ADGRG4: variants seen among roughly 807,000 people sequenced by gnomAD.
The protein encoded by ADGRG4 is adhesion G protein-coupled receptor G4, also known as G protein-coupled receptor 112.
In ADGRG4, 122 loss-of-function variants were observed where a neutral mutation model predicts 126.2. That is an observed-to-expected ratio of 0.97 (90% CI 0.83 to 1.12). ADGRG4 has a LOEUF of 1.12. Among genes scored for constraint, ADGRG4 ranks in the 50% most tolerant of loss-of-function variants. ADGRG4 has a pLI of 0.00. For synonymous variants in ADGRG4, 943 were observed against 838.7 expected, an observed-to-expected ratio of 1.12 and a Z score of -2.15; for missense variants, 2,481 against 2,251.8, an observed-to-expected ratio of 1.10 and a Z score of -2.06.
intron 5 of ADGRG4, among the ~76,000 whole-genome samples, chrX:136,341,922 T>C (rs762218677): frequency 1.8e-5 from 2 of 112,122 alleles, no homozygotes; most frequent in East Asian, 2.8e-4. Flanking sequence ...ATAGGTAATA[T>C]GCTTCTCAGA....
chrX:136,412,868 C>T (rs1418617730), intron 24 of ADGRG4, among the ~76,000 whole-genome samples: 2 of 111,826 alleles, frequency 1.8e-5, no homozygotes, highest in Non-Finnish European at 3.8e-5. Flanking sequence ...AGCACTGGTG[C>T]TTCCCTTGAG....
intron 12 of ADGRG4, among the ~76,000 whole-genome samples, chrX:136,361,924 T>C (rs2075131264): frequency 8.9e-6 from 1 of 111,876 alleles, no homozygotes; most frequent in Non-Finnish European, 1.9e-5. Flanking sequence ...CCTTTAAGTT[T>C]TATGTAGCAG....
chrX:136,317,519 A>T (rs1603291234), intron 4 of ADGRG4, among the ~76,000 whole-genome samples: 1 of 102,311 alleles, frequency 9.8e-6, no homozygotes, highest in Non-Finnish European at 2.0e-5. Context: ...AAAAAAAAAA[A>T]GAAAGAAAGA....
At chrX:136,414,092 C>A (rs1472493446) in intron 24 of ADGRG4, 68 bp from the exon 25 acceptor site, 3 of 906,427 alleles carry the variant, frequency 3.3e-6, no homozygotes, top group Non-Finnish European at 4.6e-6. Context: ...ATATACCATA[C>A]AATTCACTAC....
At chrX:136,413,732 T>A (rs2075459960) in intron 24 of ADGRG4, among the ~76,000 whole-genome samples, 1 of 72,192 alleles carries the variant, frequency 1.4e-5, no homozygotes, top group African/African-American at 6.0e-5. Flanking sequence ...TTTTTTGTTT[T>A]TGTTTTTGTT....
intron 15 of ADGRG4, among the ~76,000 whole-genome samples, chrX:136,378,322 C>CTA (rs923855734): frequency 1.8e-5 from 2 of 110,862 alleles, no homozygotes; most frequent in East Asian, 2.8e-4. Flanking sequence ...ATATTATATG[C>CTA]TATATATATA....
intron 5 of ADGRG4, among the ~76,000 whole-genome samples, chrX:136,331,851 C>T (rs2074912333): frequency 9.8e-6 from 1 of 101,786 alleles, no homozygotes; most frequent in Admixed American, 1.1e-4. Flanking sequence ...GAGTCCGGCT[C>T]TGTCACCCAG....
In ADGRG4 at chrX:136,378,413, G is replaced by A. The variant is rs190568928; in HGVS notation, c.7776+5349G>A. Among the ~76,000 whole-genome samples, 371 of 111,303 alleles carry A rather than the reference G, an allele frequency of 3.3e-3. 1 individual carries two copies. The highest frequency in any genetic ancestry group is 5.1e-3 in the Admixed American group (53 of 10,459). The stretch of plus-strand genomic sequence containing the variant: ...TTAGAGATTCCTTAGAACTTTCCAT[G>A]TAAGCCAACATCATGTGACAATAGA... On this transcript the variant is annotated intron_variant, in intron 15 of 25. Coordinates refer to ENST00000394143, the MANE Select transcript of ADGRG4 (RefSeq NM_153834.4).
At chrX:136,321,959 C>T (rs1440740577) in intron 4 of ADGRG4, among the ~76,000 whole-genome samples, 1 of 111,815 alleles carries the variant, frequency 8.9e-6, no homozygotes, top group East Asian at 2.8e-4. Context: ...GCTGTGGCCC[C>T]AAATCTCCAT....
intron 15 of ADGRG4, among the ~76,000 whole-genome samples, chrX:136,387,288 C>T (rs1270084664): frequency 8.9e-6 from 1 of 112,291 alleles, no homozygotes. Context: ...CAAAACATTG[C>T]TCCATAAACT....
chrX:136,372,018 G>T (rs1398066319), intron 14 of ADGRG4, among the ~76,000 whole-genome samples: 3 of 111,247 alleles, frequency 2.7e-5, no homozygotes, highest in African/African-American at 3.3e-5. Context: ...AATGCAATGG[G>T]GTCACTTTAC....
In ADGRG4 at chrX:136,323,138, A is replaced by T. The variant is rs2074850088; in HGVS notation, c.431A>T (p.Glu144Val). The change falls in exon 5 of 26, where the codon GAA becomes GTA. Residue 144 changes from glutamate (E) to valine (V), a missense_variant. Transcript: ENST00000394143. ...ELFLNKERIL[E>V]VTDQPHNLTP... ...TTCCTGAATAAAGAAAGGATACTGGAAGTAACGGATCAACCACACAACCTG... is the reference window on the plus strand; with the variant it reads ...TTCCTGAATAAAGAAAGGATACTGGTAGTAACGGATCAACCACACAACCTG... 8.3e-7 allele frequency: 1 copy of T among 1,209,936 alleles called. No homozygotes were observed. Among genetic ancestry groups the T allele is most frequent in the African/African-American group, 1.8e-5 (1 of 57,130 alleles).
At chrX:136,375,346 G>T (rs1196528129) in intron 15 of ADGRG4, among the ~76,000 whole-genome samples, 4 of 111,927 alleles carry the variant, frequency 3.6e-5, no homozygotes, top group African/African-American at 1.3e-4. Flanking sequence ...CTTTAAACAT[G>T]TGTGTGCATG....
At chrX:136,388,726 A>G (rs2148491070) in intron 16 of ADGRG4, among the ~76,000 whole-genome samples, 1 of 111,872 alleles carries the variant, frequency 8.9e-6, no homozygotes, top group South Asian at 3.7e-4. Context: ...CAGAGTTTGC[A>G]TGAATTTGAA....
chrX:136,389,590 A>G (rs2075309125), intron 16 of ADGRG4, among the ~76,000 whole-genome samples: 1 of 112,142 alleles, frequency 8.9e-6, no homozygotes. Flanking sequence ...ATATCATCCC[A>G]TCTATTCATT....
chrX:136,347,878 C>A lies in ADGRG4; in HGVS notation c.4172C>A (p.Pro1391His). The part of the protein sequence containing the change: ...ESTSALPAYT[P>H]RTVEMIVNST... ...ACGAGTGCCCTTCCAGCATATACTC[C>A]CAGGACTGTGGAAATGATAGTAAAC... is the stretch of plus-strand genomic sequence containing the variant. Residue 1391 changes from proline (P) to histidine (H), a missense_variant, in exon 6 of 26, where the codon CCC becomes CAC. Physicochemically the swap from Pro to His is moderately conservative, Grantham distance 77 (BLOSUM62 -2). Coordinates refer to ENST00000394143, the MANE Select transcript of ADGRG4 (RefSeq NM_153834.4). 8.3e-7 allele frequency: 1 copy of A among 1,210,360 alleles called. No homozygotes were observed. The highest frequency in any genetic ancestry group is 1.1e-6 in the Non-Finnish European group (1 of 894,260).
intron 15 of ADGRG4, among the ~76,000 whole-genome samples, chrX:136,384,877 A>G (rs1356308773): frequency 9.0e-6 from 1 of 110,941 alleles, no homozygotes; most frequent in African/African-American, 3.3e-5. Flanking sequence ...CAGTTTGACT[A>G]TTATATGCCT....
At chrX:136,351,605 T>TTC in intron 7 of ADGRG4, 64 bp downstream of exon 7, 1 of 439,699 alleles carries the variant, frequency 2.3e-6, no homozygotes. Flanking sequence ...CATTTATATA[T>TTC]ATGACAGAAT....
intron 12 of ADGRG4, among the ~76,000 whole-genome samples, chrX:136,363,244 C>T (rs2075138937): frequency 9.0e-6 from 1 of 111,295 alleles, no homozygotes; most frequent in Non-Finnish European, 1.9e-5. Flanking sequence ...AGCTCCCTTA[C>T]CTGTTTATCC....
Sources: gnomAD v4.1 joint callset for allele counts (sites outside exome capture counted in the v4.1 genomes callset) on GRCh38, gnomAD v4.1.1 for gene constraint, MANE v1.5 for transcripts, NCBI Gene and HGNC (gene_info 2026-07-23, HGNC 2026-07-21) for gene names.